SESTD1: variants seen among roughly 807,000 people sequenced by gnomAD.
SESTD1 encodes SEC14 and spectrin domain containing 1.
In SESTD1, 43 loss-of-function variants were observed where a neutral mutation model predicts 101.7. The ratio of observed to expected loss-of-function variants is 0.42; its 90% CI spans 0.33 to 0.55. The LOEUF (loss-of-function observed/expected upper bound fraction) is 0.55, where lower values mean the gene tolerates loss of function less well. Ranked by LOEUF, SESTD1 falls within the 20% of genes least tolerant of loss-of-function variation. The pLI, the probability that SESTD1 is intolerant of heterozygous loss-of-function variation, is 0.07. For synonymous variants in SESTD1, 283 were observed against 286.8 expected, an observed-to-expected ratio of 0.99 and a Z score of 0.13; for missense variants, 647 against 815.1, an observed-to-expected ratio of 0.79 and a Z score of 2.51.
chr2:179,258,255 T>C (rs1054949609), intron 1 of SESTD1, among the ~76,000 whole-genome samples: 2 of 152,224 alleles, frequency 1.3e-5, no homozygotes, highest in Non-Finnish European at 2.9e-5. Context: ...AATTCCCACT[T>C]CTACTACAAA....
intron 1 of SESTD1, among the ~76,000 whole-genome samples, chr2:179,215,397 GAATA>G (rs2046706714): frequency 7.4e-6 from 1 of 134,522 alleles, no homozygotes; most frequent in South Asian, 2.8e-4. Flanking sequence ...TAGAAGAAAT[GAATA>G]AATTCCGGGA....
chr2:179,214,417 C>T lies in SESTD1; in HGVS notation c.-25-22551G>A, dbSNP rs2105520233. The stretch of plus-strand genomic sequence containing the variant: ...ACGTAATGGTAAAGGAATGGTAAAG[C>T]TCTTCTTCAACAAGAAGAGCTAACT... On this transcript the variant is annotated intron_variant, in intron 1 of 17. Transcript: ENST00000428443. Among the ~76,000 whole-genome samples, 2 of 133,858 alleles carry T rather than the reference C, an allele frequency of 1.5e-5. 1 individual carries two copies. Among genetic ancestry groups the T allele is most frequent in the African/African-American group, 5.9e-5 (2 of 34,016 alleles). The allele number at this position is 133,858 out of a possible 152,430, so 87.8% of individuals were successfully genotyped here.
At chr2:179,229,426 A>T (rs2046941548) in intron 1 of SESTD1, among the ~76,000 whole-genome samples, 1 of 152,068 alleles carries the variant, frequency 6.6e-6, no homozygotes, top group South Asian at 2.1e-4. Context: ...ACTGACTGGA[A>T]TTTACACCAC....
At chr2:179,120,379 G>A (rs1484468781) in intron 13 of SESTD1, among the ~76,000 whole-genome samples, 3 of 152,158 alleles carry the variant, frequency 2.0e-5, no homozygotes, top group Non-Finnish European at 4.4e-5. Context: ...TCTACAGCAC[G>A]GGAGAGCTGT....
intron 5 of SESTD1, among the ~76,000 whole-genome samples, chr2:179,152,016 A>G (rs960285190): frequency 1.4e-4 from 22 of 152,220 alleles, no homozygotes; most frequent in African/African-American, 5.3e-4. Context: ...AGTACCTAAG[A>G]GACCACTGCA....
intron 1 of SESTD1, among the ~76,000 whole-genome samples, chr2:179,221,989 G>C (rs1479911871): frequency 6.6e-6 from 1 of 151,974 alleles, no homozygotes; most frequent in African/African-American, 2.4e-5. Flanking sequence ...TGAAACAATA[G>C]AACATTCTGC....
chr2:179,193,889 G>A (rs1460103370), intron 1 of SESTD1, among the ~76,000 whole-genome samples: 1 of 152,092 alleles, frequency 6.6e-6, no homozygotes, highest in Non-Finnish European at 1.5e-5. Flanking sequence ...CACCAGGTGG[G>A]ACCCTTGCCC....
At position 179,214,220 on chromosome 2, in the gene SESTD1, T is replaced by G. The variant is rs1559146513; in HGVS notation, c.-25-22354A>C. On this transcript the variant is annotated intron_variant, in intron 1 of 17. Coordinates refer to ENST00000428443, the MANE Select transcript of SESTD1 (RefSeq NM_178123.5). ...AAAGAGTCAAGACCCATCAGTGTGC[T>G]GTATTCAGGAGACCCATCTCACATG... is the stretch of plus-strand genomic sequence containing the variant. 3.7e-5 allele frequency among the ~76,000 whole-genome samples: 5 copies of G among 134,514 alleles called. 2 individuals carry two copies. Among genetic ancestry groups the G allele is most frequent in the Non-Finnish European group, 8.0e-5 (5 of 62,754 alleles). The allele number at this position is 134,514 out of a possible 152,430, so 88.2% of individuals were successfully genotyped here. A position where few individuals can be genotyped will look rare whatever the true frequency, so the allele number is the denominator to read the frequency against.
chr2:179,253,176 G>A (rs1368796424), intron 1 of SESTD1, among the ~76,000 whole-genome samples: 2 of 151,898 alleles, frequency 1.3e-5, no homozygotes, highest in Non-Finnish European at 2.9e-5. Context: ...GTTTTTTAGT[G>A]TTTGTGTCTT....
chr2:179,166,029 T>C lies in SESTD1; in HGVS notation c.369+6091A>G, dbSNP rs553042777. On this transcript the variant is annotated intron_variant, in intron 5 of 17. Transcript: ENST00000428443. Reference sequence around the variant, plus strand: ...GGAAAGATCTGCATCTTCAAGAAGATGGAACTGGAGTACTTGCTTACCTGG... The same window carrying C: ...GGAAAGATCTGCATCTTCAAGAAGACGGAACTGGAGTACTTGCTTACCTGG... Among the ~76,000 whole-genome samples the C allele has an allele frequency of 2.1e-4, 32 of 152,320 alleles. No individual in the cohort carries two copies. The South Asian group carries it at 5.4e-3, about 26-fold the overall frequency.
chr2:179,131,866 C>A (rs1196879548), intron 10 of SESTD1, among the ~76,000 whole-genome samples: 1 of 152,168 alleles, frequency 6.6e-6, no homozygotes, highest in African/African-American at 2.4e-5. Flanking sequence ...TCTGCACCCT[C>A]TGGACTTACT....
In SESTD1 at chr2:179,102,653, G is replaced by A. The variant is rs186156933; in HGVS notation, c.*7246C>T. 68 of 152,096 alleles carry A rather than the reference G, an allele frequency of 4.5e-4. No homozygotes were observed. Among genetic ancestry groups the A allele is most frequent in the African/African-American group, 1.5e-3 (64 of 41,512 alleles). The allele number at this position is 152,096 out of a possible 1,614,324, so 9.4% of individuals were successfully genotyped here. A position where few individuals can be genotyped will look rare whatever the true frequency, so the allele number is the denominator to read the frequency against. ...AAACCATACATATTTTTGAAAATGA[G>A]CATTAGAAACACACAGATGATTATA... On this transcript the variant is annotated 3_prime_UTR_variant, in exon 18 of 18. Coordinates refer to ENST00000428443, the MANE Select transcript of SESTD1 (RefSeq NM_178123.5).
At chr2:179,170,047 T>C (rs1033141657) in intron 5 of SESTD1, among the ~76,000 whole-genome samples, 1 of 150,490 alleles carries the variant, frequency 6.6e-6, no homozygotes, top group Admixed American at 6.6e-5. Context: ...TAACTCAAAA[T>C]AGATCACAGA....
intron 1 of SESTD1, among the ~76,000 whole-genome samples, chr2:179,261,419 G>A (rs1205742492): frequency 6.6e-6 from 1 of 151,886 alleles, no homozygotes; most frequent in African/African-American, 2.4e-5. Context: ...TAACTGTAAG[G>A]TTAAAAAAAC....
At chr2:179,173,824 G>A (rs2045965641) in intron 4 of SESTD1, among the ~76,000 whole-genome samples, 1 of 152,074 alleles carries the variant, frequency 6.6e-6, no homozygotes, top group Non-Finnish European at 1.5e-5. Flanking sequence ...ATAAATGAAT[G>A]GGAATGGCTG....
intron 17 of SESTD1, among the ~76,000 whole-genome samples, chr2:179,111,209 C>CT (rs1436156824): frequency 2.0e-5 from 3 of 152,172 alleles, no homozygotes; most frequent in Non-Finnish European, 4.4e-5. Context: ...CTTTAGGTGA[C>CT]TTTAGGCTAC....
At chr2:179,185,980 A>G (rs1420379213) in intron 2 of SESTD1, among the ~76,000 whole-genome samples, 1 of 143,720 alleles carries the variant, frequency 7.0e-6, no homozygotes, top group African/African-American at 2.5e-5. Context: ...ACAATATAGT[A>G]TATTATATAC....
In SESTD1 at chr2:179,103,451, A is replaced by T. The variant is rs911686091; in HGVS notation, c.*6448T>A. On this transcript the variant is annotated 3_prime_UTR_variant, in exon 18 of 18. Coordinates refer to ENST00000428443, the MANE Select transcript of SESTD1 (RefSeq NM_178123.5). Reference sequence around the variant, plus strand: ...TAATCCAAGGAATTTACTGCAAAGAAATGAAAACCTATGTTCACAAAGACT... The same window carrying T: ...TAATCCAAGGAATTTACTGCAAAGATATGAAAACCTATGTTCACAAAGACT... 2.6e-5 allele frequency: 4 copies of T among 152,152 alleles called. No homozygotes were observed. Among genetic ancestry groups the T allele is most frequent in the Admixed American group, 2.6e-4 (4 of 15,252 alleles). 9.4% of individuals were successfully genotyped at this position (152,152 alleles called of 1,614,324 possible). A position where few individuals can be genotyped will look rare whatever the true frequency, so the allele number is the denominator to read the frequency against.
chr2:179,123,073 C>T lies in SESTD1; in HGVS notation c.1282+642G>A, dbSNP rs969156279. Among the ~76,000 whole-genome samples the T allele has an allele frequency of 2.0e-5, 3 of 152,036 alleles. No individual in the cohort carries two copies. In the South Asian group the frequency reaches 6.2e-4, roughly 32 times the overall value. On this transcript the variant is annotated intron_variant, in intron 12 of 17. Transcript: ENST00000428443. ...CTTCCATTGCCATTTCCCCTTTTGT[C>T]CCCCCTTGATACGACTCCCCACCTT...
Sources: allele counts gnomAD v4.1 joint callset (sites outside exome capture counted in the v4.1 genomes callset), GRCh38; gene constraint gnomAD v4.1.1; transcripts MANE v1.5; gene names NCBI Gene and HGNC (gene_info 2026-07-23, HGNC 2026-07-21).